PCNX1: variants seen among roughly 807,000 people sequenced by gnomAD.
The protein encoded by PCNX1 is pecanex 1, also known as pecanex-like protein 1.
In PCNX1, 78 loss-of-function variants were observed where a neutral mutation model predicts 242.2. The observed-to-expected ratio is 0.32, with a 90% CI of 0.27 to 0.39. The LOEUF is 0.39. PCNX1 is among the 10% of genes least tolerant of loss of function. PCNX1 has a pLI of 1.00. For missense variants in PCNX1, 2,581 were observed against 2,856.5 expected (o/e 0.90, Z 2.20); for synonymous variants, 1,024 against 1,032.9 (o/e 0.99, Z 0.17).
intron 8 of PCNX1, among the ~76,000 whole-genome samples, chr14:71,004,617 G>A (rs1484613471): frequency 1.3e-5 from 2 of 152,180 alleles, no homozygotes; most frequent in Non-Finnish European, 2.9e-5. Context: ...TGCCAGAAAG[G>A]TTGGGGGCCA....
At chr14:70,958,132 A>T (rs992181745) in intron 2 of PCNX1, among the ~76,000 whole-genome samples, 2 of 152,210 alleles carry the variant, frequency 1.3e-5, no homozygotes, top group African/African-American at 2.4e-5. Context: ...AAACATGAAC[A>T]TGTTCTACAT....
chr14:70,943,470 G>A (rs982280593), intron 1 of PCNX1, among the ~76,000 whole-genome samples: 2 of 152,212 alleles, frequency 1.3e-5, no homozygotes, highest in Non-Finnish European at 1.5e-5. Context: ...CTGCCCTAGA[G>A]ATCTGTGGAA....
At chr14:70,976,840 T>C in intron 5 of PCNX1, 102 bp from the exon 6 acceptor site, 2 of 995,370 alleles carry the variant, frequency 2.0e-6, no homozygotes, top group Non-Finnish European at 3.0e-6. Flanking sequence ...AGAAATTATT[T>C]ATACTTGATT....
intron 2 of PCNX1, among the ~76,000 whole-genome samples, chr14:70,961,938 A>G (rs1242003296): frequency 1.3e-5 from 2 of 152,096 alleles, no homozygotes; most frequent in African/African-American, 2.4e-5. Flanking sequence ...CATATTTAGT[A>G]TGCTATAATT....
intron 1 of PCNX1, among the ~76,000 whole-genome samples, chr14:70,944,585 G>A (rs2057387872): frequency 6.6e-6 from 1 of 152,190 alleles, no homozygotes; most frequent in African/African-American, 2.4e-5. Flanking sequence ...TTGAGTTAAT[G>A]CTGGAATGAG....
intron 28 of PCNX1, among the ~76,000 whole-genome samples, chr14:71,080,221 C>T (rs1359656967): frequency 6.6e-6 from 1 of 152,084 alleles, no homozygotes; most frequent in Non-Finnish European, 1.5e-5. Flanking sequence ...TGTTCTGTTC[C>T]ATTGATCTAT....
rs930381556 is a variant in PCNX1, at chr14:70,960,979, T to A, written c.363-1247T>A. ...ACAAGGGATGTGAAGGACCTCTTAA[T>A]GGAGAACTACAAACCACTGCTCAAT... On this transcript the variant is annotated intron_variant, in intron 2 of 35. Coordinates refer to ENST00000304743, the MANE Select transcript of PCNX1 (RefSeq NM_014982.3). 2.7e-3 allele frequency among the ~76,000 whole-genome samples: 404 copies of A among 152,138 alleles called. 7 individuals carry two copies. The highest frequency in any genetic ancestry group is 4.0e-4 in the Non-Finnish European group (27 of 68,008).
At chr14:71,056,006 A>G (rs2061173631) in intron 25 of PCNX1, among the ~76,000 whole-genome samples, 1 of 152,184 alleles carries the variant, frequency 6.6e-6, no homozygotes, top group South Asian at 2.1e-4. Context: ...GCATATAGCC[A>G]GTCAGGATAG....
chr14:70,966,519 G>A (rs1342065408), intron 3 of PCNX1, among the ~76,000 whole-genome samples: 1 of 152,118 alleles, frequency 6.6e-6, no homozygotes, highest in African/African-American at 2.4e-5. Flanking sequence ...ACACAAAGAC[G>A]TTTTCCTGAA....
rs748327668 is a variant in PCNX1 at position 70,978,042 on chromosome 14, G to T, written c.1705G>T (p.Ala569Ser). The change falls in exon 6 of 36, where the codon GCT becomes TCT. Residue 569 changes from alanine (A) to serine (S), a missense_variant. Ala to Ser is a moderately conservative substitution (Grantham distance 99). Coordinates refer to ENST00000304743, the MANE Select transcript of PCNX1 (RefSeq NM_014982.3). ...CAGGAGACGCACAGGAAAAAAACGG[G>T]CTAGCAGTTTTGATTCAAGCCGGCA... ...SGRRRTGKKR[A>S]SSFDSSRHRD... 1 of 1,614,074 alleles carries T rather than the reference G, an allele frequency of 6.2e-7. No homozygotes were observed. Among genetic ancestry groups the T allele is most frequent in the Admixed American group, 1.7e-5 (1 of 60,020 alleles).
intron 7 of PCNX1, among the ~76,000 whole-genome samples, chr14:70,993,214 G>A (rs1224026282): frequency 8.6e-5 from 13 of 150,744 alleles, no homozygotes; most frequent in Admixed American, 2.6e-4. Flanking sequence ...TCCGCCTCCC[G>A]GGTTCACGCC....
chr14:70,987,632 T>G (rs2059037287), intron 6 of PCNX1, among the ~76,000 whole-genome samples: 1 of 152,226 alleles, frequency 6.6e-6, no homozygotes, highest in African/African-American at 2.4e-5. Context: ...CCAAATTATT[T>G]AGATCACACA....
At chr14:70,964,468 CTT>C (rs2058318270) in intron 3 of PCNX1, among the ~76,000 whole-genome samples, 1 of 152,130 alleles carries the variant, frequency 6.6e-6, no homozygotes, top group South Asian at 2.1e-4. Context: ...TTCTCTGTCT[CTT>C]TTTATAGAAT....
intron 2 of PCNX1, among the ~76,000 whole-genome samples, chr14:70,960,863 C>T (rs1412641947): frequency 6.6e-6 from 1 of 152,044 alleles, no homozygotes; most frequent in Non-Finnish European, 1.5e-5. Context: ...CATTCTTATA[C>T]ACCAATAACA....
At chr14:71,101,029 G>C (rs917558302) in intron 30 of PCNX1, among the ~76,000 whole-genome samples, 4 of 152,112 alleles carry the variant, frequency 2.6e-5, no homozygotes, top group Non-Finnish European at 5.9e-5. Context: ...CATTATTTAT[G>C]TATACAGTAT....
At chr14:71,037,058 T>C (rs1379133852) in intron 19 of PCNX1, among the ~76,000 whole-genome samples, 3 of 152,118 alleles carry the variant, frequency 2.0e-5, no homozygotes, top group Non-Finnish European at 4.4e-5. Context: ...CAATTGTGAA[T>C]GGGAGTTCAC....
At chr14:70,935,256 G>C (rs1458820596) in intron 1 of PCNX1, among the ~76,000 whole-genome samples, 1 of 152,112 alleles carries the variant, frequency 6.6e-6, no homozygotes, top group African/African-American at 2.4e-5. Flanking sequence ...TCTTAAAAAA[G>C]AAATTCTGAG....
At chr14:71,099,015 C>T (rs1424588246) in intron 30 of PCNX1, among the ~76,000 whole-genome samples, 3 of 152,102 alleles carry the variant, frequency 2.0e-5, no homozygotes, top group Non-Finnish European at 2.9e-5. Flanking sequence ...TTTATTTCTG[C>T]TTTAACTTCA....
chr14:70,969,035 G>T lies in PCNX1; in HGVS notation c.529G>T (p.Ala177Ser). Residue 177 changes from alanine (A) to serine (S), a missense_variant, in exon 5 of 36, where the codon GCT becomes TCT. By Grantham distance (99) the Ala-to-Ser change is moderately conservative (BLOSUM62 1). Around this residue, in one of 9 missense-constraint regions of PCNX1, gnomAD observed 1,204 missense variants for 1,216.7 expected, o/e 0.99. Coordinates refer to ENST00000304743, the MANE Select transcript of PCNX1 (RefSeq NM_014982.3). ...AATIKGDTDT[A>S]KTSDDISLSL... ...TAACTTTGTAGGAGATACAGACACTGCTAAGACTTCTGATGATATCAGTTT... is the reference window on the plus strand; with the variant it reads ...TAACTTTGTAGGAGATACAGACACTTCTAAGACTTCTGATGATATCAGTTT... 1 of 1,604,352 alleles carries T rather than the reference G, an allele frequency of 6.2e-7. No homozygotes were observed. The highest frequency in any genetic ancestry group is 8.5e-7 in the Non-Finnish European group (1 of 1,171,322).
Sources: allele counts gnomAD v4.1 joint callset (sites outside exome capture counted in the v4.1 genomes callset), GRCh38; gene constraint gnomAD v4.1.1; regional missense constraint gnomAD v4.1.1; transcripts MANE v1.5; gene names NCBI Gene and HGNC (gene_info 2026-07-23, HGNC 2026-07-21).